The following RERE variants were observed in gnomAD, a reference collection of about 807,000 sequenced individuals.
RERE encodes the protein arginine-glutamic acid dipeptide repeats.
A neutral mutation model predicts 146.1 loss-of-function variants in RERE; 40 were observed. That is an observed-to-expected ratio of 0.27 (90% confidence interval 0.21 to 0.36). The LOEUF (loss-of-function observed/expected upper bound fraction) is 0.36. Among genes scored for constraint, RERE ranks in the 10% least tolerant of loss-of-function variants. RERE has a pLI of 1.00. For missense variants in RERE, 1,933 were observed against 2,138.7 expected (o/e 0.90, Z 1.90); for synonymous variants, 1,003 against 866.0 (o/e 1.16, Z -2.78).
At chr1:8,752,752 G>C (rs1346228621) in intron 1 of RERE, among the ~76,000 whole-genome samples, 1 of 152,144 alleles carries the variant, frequency 6.6e-6, no homozygotes, top group Non-Finnish European at 1.5e-5. Context: ...AAACTTACCA[G>C]AGACAGTTTG....
chr1:8,531,183 G>C (rs75733445), intron 7 of RERE, among the ~76,000 whole-genome samples: 1 of 152,058 alleles, frequency 6.6e-6, no homozygotes, highest in African/African-American at 2.4e-5. Context: ...GGATGGGCCC[G>C]GGGGCTCACA....
At position 8,355,010 on chromosome 1, in the gene RERE, TC is replaced by T; in HGVS notation, c.*76del. On this transcript the variant is annotated 3_prime_UTR_variant, in exon 23 of 23. Coordinates refer to ENST00000400908, the MANE Select transcript of RERE (RefSeq NM_001042681.2). ...AAGATATTCTTTTTGCTTTTGCAGC[TC>T]CTATTTTATGTAAAAAGTCCTGTTT... 8.4e-7 allele frequency: 1 copy of T among 1,193,294 alleles called. No homozygotes were observed. Among genetic ancestry groups the T allele is most frequent in the Non-Finnish European group, 1.2e-6 (1 of 815,764 alleles). The allele number at this position is 1,193,294 out of a possible 1,614,324, so 73.9% of individuals were successfully genotyped here. A position where few individuals can be genotyped will look rare whatever the true frequency, so the allele number is the denominator to read the frequency against.
At chr1:8,539,611 G>A (rs914956556) in intron 7 of RERE, among the ~76,000 whole-genome samples, 4 of 152,076 alleles carry the variant, frequency 2.6e-5, no homozygotes, top group East Asian at 1.9e-4. Flanking sequence ...TCACCACGTT[G>A]GCCAGGCTGG....
chr1:8,615,595 A>G (rs527485281), intron 3 of RERE, among the ~76,000 whole-genome samples: 22 of 152,356 alleles, frequency 1.4e-4, no homozygotes, highest in Admixed American at 7.2e-4. Context: ...CAATACTTAT[A>G]TAAGAACCTG....
chr1:8,358,388 C>G lies in RERE; in HGVS notation c.4147G>C (p.Gly1383Arg). 6.2e-7 allele frequency: 1 copy of G among 1,607,902 alleles called. No homozygotes were observed. The highest frequency in any genetic ancestry group is 8.5e-7 in the Non-Finnish European group (1 of 1,176,186). The change falls in exon 20 of 23, where the codon GGC (glycine) becomes CGC (arginine). Residue 1383 changes from glycine to arginine, a missense_variant. Transcript: ENST00000400908. ...PLERERLALAGPQLRPEMSYP... is the reference protein window; with the variant it reads ...PLERERLALARPQLRPEMSYP... ...CTCATCTCGGGCCGCAGCTGGGGGCCCGCCAGGGCCAGTCTCTCCCTCTCC... is the reference window on the plus strand; with the variant it reads ...CTCATCTCGGGCCGCAGCTGGGGGCGCGCCAGGGCCAGTCTCTCCCTCTCC...
At chr1:8,434,496 AGAG>A (rs1644140434) in intron 11 of RERE, 1 of 152,246 alleles carries the variant, frequency 6.6e-6, no homozygotes, top group Non-Finnish European at 1.5e-5. Context: ...TATATTTTCT[AGAG>A]GTGGCCACTC....
chr1:8,530,375 A>C (rs1047198709), intron 7 of RERE, among the ~76,000 whole-genome samples: 2 of 152,258 alleles, frequency 1.3e-5, no homozygotes, highest in Non-Finnish European at 2.9e-5. Context: ...TACCTCTATC[A>C]AAGGTAAGTA....
intron 1 of RERE, among the ~76,000 whole-genome samples, chr1:8,658,130 A>C (rs1638365309): frequency 6.6e-6 from 1 of 152,184 alleles, no homozygotes; most frequent in Admixed American, 6.5e-5. Context: ...TTTGGAATAG[A>C]CCTAACAATA....
At chr1:8,646,008 TCCCA>T (rs1647289196) in intron 2 of RERE, among the ~76,000 whole-genome samples, 1 of 152,184 alleles carries the variant, frequency 6.6e-6, no homozygotes, top group Non-Finnish European at 1.5e-5. Context: ...AACTACATTT[TCCCA>T]ACTGTTCCAA....
At chr1:8,641,740 G>A (rs1235359950) in intron 2 of RERE, among the ~76,000 whole-genome samples, 1 of 152,184 alleles carries the variant, frequency 6.6e-6, no homozygotes, top group Non-Finnish European at 1.5e-5. Context: ...TCATACAACT[G>A]TGAGGCAGTA....
intron 1 of RERE, among the ~76,000 whole-genome samples, chr1:8,671,490 A>T (rs958081705): frequency 1.9e-4 from 29 of 152,028 alleles, no homozygotes; most frequent in Admixed American, 6.6e-5. Flanking sequence ...GGATGGAAAC[A>T]CCTCCCCCTG....
At chr1:8,453,840 A>G (rs1315725437) in intron 11 of RERE, among the ~76,000 whole-genome samples, 2 of 152,174 alleles carry the variant, frequency 1.3e-5, no homozygotes, top group Admixed American at 6.5e-5. Context: ...TCATTTTCTA[A>G]AATTCTCTTT....
chr1:8,416,586 CAAAAA>C (rs5772324), intron 12 of RERE, among the ~76,000 whole-genome samples: 2 of 105,966 alleles, frequency 1.9e-5, no homozygotes, highest in African/African-American at 3.7e-5. Context: ...ACTCCATCTC[CAAAAA>C]AAAAAAAAAA....
chr1:8,748,857 G>A (rs1380442429), intron 1 of RERE, among the ~76,000 whole-genome samples: 1 of 152,046 alleles, frequency 6.6e-6, no homozygotes. Flanking sequence ...GCCCAAATAG[G>A]TCTTAAGTGT....
intron 11 of RERE, among the ~76,000 whole-genome samples, chr1:8,463,508 ACAAT>A (rs1644552719): frequency 1.3e-5 from 2 of 152,198 alleles, no homozygotes; most frequent in South Asian, 4.1e-4. Context: ...CAATGGGGAG[ACAAT>A]CAACAGCTGC....
chr1:8,598,451 G>A (rs563579646), intron 4 of RERE, among the ~76,000 whole-genome samples: 9 of 152,310 alleles, frequency 5.9e-5, no homozygotes, highest in East Asian at 1.9e-4. Context: ...GGGTTGCACC[G>A]TTCTGAGGCA....
At chr1:8,577,948 A>C (rs1339766191) in intron 4 of RERE, among the ~76,000 whole-genome samples, 1 of 152,118 alleles carries the variant, frequency 6.6e-6, no homozygotes, top group Non-Finnish European at 1.5e-5. Context: ...CAAAAAAGCC[A>C]GGTGCGGTGG....
chr1:8,806,692 A>T (rs916553154), intron 1 of RERE: 1 of 152,186 alleles, frequency 6.6e-6, no homozygotes. Flanking sequence ...TGACCAAAGC[A>T]GATGATGGGC....
In RERE at chr1:8,750,462, C is replaced by T. The variant is rs571353528; in HGVS notation, c.-145+66698G>A. ...GGTGTTGAAGAGAAGAAGGTGGTTC[C>T]TGCTGTGCCAGAAACCCTTAAGAAA... On this transcript the variant is annotated intron_variant, in intron 1 of 22. Transcript: ENST00000400908. The T allele has an allele frequency of 8.0e-6, 8 of 1,001,940 alleles. No homozygotes were observed. The African/African-American group carries it at 1.3e-4, about 16-fold the overall frequency. The allele number at this position is 1,001,940 out of a possible 1,614,324, so 62.1% of individuals were successfully genotyped here. A position where few individuals can be genotyped will look rare whatever the true frequency, so the allele number is the denominator to read the frequency against.
Sources: gnomAD v4.1 joint callset for allele counts (sites outside exome capture counted in the v4.1 genomes callset) on GRCh38, gnomAD v4.1.1 for gene constraint, MANE v1.5 for transcripts, NCBI Gene and HGNC (gene_info 2026-07-23, HGNC 2026-07-21) for gene names.